The following MEGF10 variants were observed in gnomAD, a reference collection of about 807,000 sequenced individuals.
MEGF10 encodes the protein multiple EGF like domains 10.
Under a neutral mutation model 147.5 loss-of-function variants are expected in MEGF10, and 86 were observed. The ratio of observed to expected loss-of-function variants is 0.58; its 90% CI spans 0.49 to 0.70. MEGF10 has a LOEUF of 0.70. Ranked by LOEUF, MEGF10 falls within the 30% of genes least tolerant of loss-of-function variation. The pLI, the probability that MEGF10 is intolerant of heterozygous loss-of-function variation, is 0.00. For synonymous variants in MEGF10, 478 were observed against 525.5 expected (o/e 0.91, Z 1.24); for missense variants, 1,329 against 1,487.3 (o/e 0.89, Z 1.75).
the MEGF10 span, among the ~76,000 whole-genome samples, chr5:127,277,480 C>T: frequency 1.3e-5 from 2 of 152,330 alleles, no homozygotes; most frequent in Admixed American, 1.3e-4. Context: ...GCTTACAAAT[C>T]TCCATCTCAG....
intron 4 of MEGF10, among the ~76,000 whole-genome samples, chr5:127,353,086 C>G (rs578071055): frequency 1.3e-4 from 20 of 152,318 alleles, no homozygotes; most frequent in African/African-American, 3.6e-4. Context: ...TCTTCTCCTA[C>G]TACCTACCTC....
At chr5:127,360,739 A>G (rs895425302) in intron 4 of MEGF10, among the ~76,000 whole-genome samples, 3 of 151,856 alleles carry the variant, frequency 2.0e-5, no homozygotes, top group Admixed American at 6.6e-5. Context: ...TGAAATAACC[A>G]TATATGTGAT....
the MEGF10 span, among the ~76,000 whole-genome samples, chr5:127,260,123 C>T: frequency 6.6e-6 from 1 of 151,926 alleles, no homozygotes; most frequent in Non-Finnish European, 1.5e-5. Context: ...CGCCACTGCA[C>T]TCCAGCCTGG....
chr5:127,371,858 T>C (rs1762862036), intron 5 of MEGF10, among the ~76,000 whole-genome samples: 2 of 152,204 alleles, frequency 1.3e-5, no homozygotes, highest in African/African-American at 4.8e-5. Flanking sequence ...GTTTTGGCTT[T>C]ATGATGAACA....
chr5:127,357,962 T>C lies in MEGF10; in HGVS notation c.320-11948T>C, dbSNP rs547906610. 2.8e-4 allele frequency among the ~76,000 whole-genome samples: 42 copies of C among 152,272 alleles called. 1 individual carries two copies. The highest frequency in any genetic ancestry group is 1.0e-3 in the African/African-American group (42 of 41,560). Reference sequence around the variant, plus strand: ...GTCTAACCTGATTTGTAATAGTTCTTTAATTTATCCATGTGGCCTCTGAAG... The same window carrying C: ...GTCTAACCTGATTTGTAATAGTTCTCTAATTTATCCATGTGGCCTCTGAAG... On this transcript the variant is annotated intron_variant, in intron 4 of 24. Transcript: ENST00000503335.
intron 17 of MEGF10, among the ~76,000 whole-genome samples, chr5:127,440,374 T>C (rs1346417665): frequency 6.6e-6 from 1 of 152,188 alleles, no homozygotes; most frequent in African/African-American, 2.4e-5. Flanking sequence ...TCTCAGTCCA[T>C]TGGAATTTGA....
Position 127,339,168 on chromosome 5 carries a change from T to A in MEGF10, c.165T>A (p.Ile55=), listed in dbSNP as rs1031424124. The part of the protein sequence containing the change: ...QESYPHPFDQ[I]YYTSCTDILN... ...CATACCCACATCCCTTTGATCAAATTTACTACACGAGCTGCACTGACATTC... is the reference window on the plus strand; with the variant it reads ...CATACCCACATCCCTTTGATCAAATATACTACACGAGCTGCACTGACATTC... Residue 55 remains isoleucine, a synonymous_variant, in exon 3 of 25, where the codon ATT becomes ATA. Coordinates refer to ENST00000503335, the MANE Select transcript of MEGF10 (RefSeq NM_001256545.2). 2 of 1,612,654 alleles carry A rather than the reference T, an allele frequency of 1.2e-6. No homozygotes were observed. The highest frequency in any genetic ancestry group is 8.5e-7 in the Non-Finnish European group (1 of 1,178,944).
chr5:127,355,148 T>A (rs957215425), intron 4 of MEGF10, among the ~76,000 whole-genome samples: 2 of 152,054 alleles, frequency 1.3e-5, no homozygotes, highest in Non-Finnish European at 2.9e-5. Flanking sequence ...GAGGTCTGTT[T>A]AGGGGAAAGC....
chr5:127,449,548 C>T (rs772406376), intron 22 of MEGF10, among the ~76,000 whole-genome samples: 10 of 152,102 alleles, frequency 6.6e-5, no homozygotes, highest in South Asian at 2.1e-4. Context: ...TTGTTATCAC[C>T]ATCTGCATGT....
intron 1 of MEGF10, among the ~76,000 whole-genome samples, chr5:127,319,338 G>T (rs1466881742): frequency 6.6e-6 from 1 of 152,034 alleles, no homozygotes; most frequent in African/African-American, 2.4e-5. Flanking sequence ...GGCCTCCCAA[G>T]GTATTAGGAT....
intron 4 of MEGF10, among the ~76,000 whole-genome samples, chr5:127,348,206 T>G (rs1300857031): frequency 1.3e-5 from 2 of 152,086 alleles, no homozygotes; most frequent in Non-Finnish European, 1.5e-5. Context: ...CTTATATCCA[T>G]GTGCTTATGA....
chr5:127,239,376 GACACACACACACAC>G, the MEGF10 span, among the ~76,000 whole-genome samples: 20 of 123,482 alleles, frequency 1.6e-4, no homozygotes, highest in Non-Finnish European at 2.7e-4. Context: ...GATGATGGAA[GACACACACACACAC>G]ACACACACAC....
chr5:127,232,219 A>G, the MEGF10 span, among the ~76,000 whole-genome samples: 1 of 152,170 alleles, frequency 6.6e-6, no homozygotes, highest in South Asian at 2.1e-4. Context: ...ATATGTTTAT[A>G]TTTTTCTTGC....
At chr5:127,282,522 A>G in the MEGF10 span, among the ~76,000 whole-genome samples, 2 of 152,248 alleles carry the variant, frequency 1.3e-5, no homozygotes. Flanking sequence ...CTTGTAATAA[A>G]GGCCTGACCA....
the MEGF10 span, among the ~76,000 whole-genome samples, chr5:127,253,738 T>G: frequency 6.6e-6 from 1 of 151,850 alleles, no homozygotes; most frequent in Non-Finnish European, 1.5e-5. Context: ...CAGGCAAAAA[T>G]AACAGAAAAT....
chr5:127,306,456 G>A (rs2585192), intron 1 of MEGF10, among the ~76,000 whole-genome samples: 100,390 of 152,038 alleles, frequency 0.66, 33,513 homozygotes, highest in Middle Eastern at 0.8. Flanking sequence ...TCTAGGATTT[G>A]GATCCAGCAT....
the MEGF10 span, among the ~76,000 whole-genome samples, chr5:127,264,021 C>T: frequency 2.6e-5 from 4 of 152,112 alleles, no homozygotes; most frequent in Non-Finnish European, 5.9e-5. Context: ...AATAATATTC[C>T]TCACCAAACT....
At chr5:127,300,502 C>T (rs1455437024) in intron 1 of MEGF10, among the ~76,000 whole-genome samples, 4 of 152,150 alleles carry the variant, frequency 2.6e-5, no homozygotes, top group African/African-American at 9.7e-5. Flanking sequence ...ACAAGGGCTT[C>T]TGGGATGCTG....
chr5:127,291,382 T>C (rs1759249336), intron 1 of MEGF10, among the ~76,000 whole-genome samples: 1 of 152,190 alleles, frequency 6.6e-6, no homozygotes. Flanking sequence ...GCGATATAGC[T>C]GGATGTAGGG....
Sources: gnomAD v4.1 joint callset for allele counts (sites outside exome capture counted in the v4.1 genomes callset) on GRCh38, gnomAD v4.1.1 for gene constraint, MANE v1.5 for transcripts, NCBI Gene and HGNC (gene_info 2026-07-23, HGNC 2026-07-21) for gene names.